TRIO: variants seen among roughly 807,000 people sequenced by gnomAD.
The protein encoded by TRIO is triple functional domain protein.
In TRIO, 58 loss-of-function variants were observed where a neutral mutation model predicts 351.9. The ratio of observed to expected loss-of-function variants is 0.16; its 90% confidence interval spans 0.13 to 0.21. The LOEUF (loss-of-function observed/expected upper bound fraction) is 0.21, where lower values mean the gene tolerates loss of function less well. Among genes scored for constraint, TRIO ranks in the 10% least tolerant of loss-of-function variants. The pLI is 1.00. For synonymous variants in TRIO, 1,758 were observed against 1,595.7 expected, an observed-to-expected ratio of 1.10 and a Z score of -2.42; for missense variants, 3,201 against 4,027.8, an observed-to-expected ratio of 0.79 and a Z score of 5.56.
chr5:14,375,239 C>T (rs1480780469), intron 19 of TRIO, among the ~76,000 whole-genome samples: 1 of 152,202 alleles, frequency 6.6e-6, no homozygotes, highest in Non-Finnish European at 1.5e-5. Flanking sequence ...CGTTTTTCTG[C>T]ATGAATAAGT....
At chr5:14,324,837 C>A (rs535659184) in intron 9 of TRIO, among the ~76,000 whole-genome samples, 1 of 152,166 alleles carries the variant, frequency 6.6e-6, no homozygotes, top group Non-Finnish European at 1.5e-5. Context: ...GACAGCCCCC[C>A]CATAATCAAA....
intron 48 of TRIO, chr5:14,489,151 GTC>G: frequency 4.6e-6 from 3 of 645,680 alleles, no homozygotes; most frequent in Non-Finnish European, 8.3e-6. Context: ...AAGGGTCTGT[GTC>G]TCTCTTTATA....
At chr5:14,455,184 C>T (rs1044758141) in intron 34 of TRIO, among the ~76,000 whole-genome samples, 3 of 152,208 alleles carry the variant, frequency 2.0e-5, no homozygotes, top group African/African-American at 7.2e-5. Flanking sequence ...TGGGTTGCCG[C>T]TGCTGGCTTG....
chr5:14,377,976 A>G, intron 19 of TRIO, 36 bp from the exon 20 acceptor site: 1 of 1,522,992 alleles, frequency 6.6e-7, no homozygotes, highest in Non-Finnish European at 9.0e-7. Context: ...AATTGATTGC[A>G]AGCACCAACA....
Position 14,196,106 on chromosome 5 carries a change from G to T in TRIO, c.157+52224G>T, listed in dbSNP as rs534610441. Among the ~76,000 whole-genome samples the T allele has an allele frequency of 7.6e-4, 115 of 152,178 alleles. 1 individual carries two copies. The Middle Eastern group carries it at 0.014, about 18-fold the overall frequency. ...GTATTATTTATATCAAGGAAGAAAG[G>T]CTTTTTAAAAACATTGCAAAGATTT... On this transcript the variant is annotated intron_variant, in intron 1 of 56. Coordinates refer to ENST00000344204, the MANE Select transcript of TRIO (RefSeq NM_007118.4).
chr5:14,502,429 T>C (rs1261437051), intron 53 of TRIO, 150 bp from the exon 54 acceptor site: 2 of 644,782 alleles, frequency 3.1e-6, no homozygotes, highest in Non-Finnish European at 5.5e-6. Flanking sequence ...GTGTCCTTTA[T>C]GCAGCCACCA....
At chr5:14,409,658 C>T (rs1749023277) in intron 33 of TRIO, among the ~76,000 whole-genome samples, 3 of 152,070 alleles carry the variant, frequency 2.0e-5, no homozygotes, top group South Asian at 2.1e-4. Context: ...CATGGTGAAA[C>T]CCCGTCTCTA....
In TRIO at chr5:14,488,277, G is replaced by A. The variant is rs760638703; in HGVS notation, c.7632+17G>A. ...AGCAACGGGGTAAGCGCGTCGGGGG[G>A]CCCGCGCCCTCCCGCCCCCCTGCCT... is the stretch of plus-strand genomic sequence containing the variant. On this transcript the variant is annotated intron_variant, in intron 48 of 56. Transcript: ENST00000344204. The A allele has an allele frequency of 7.3e-5, 113 of 1,538,254 alleles. No homozygotes were observed. Among genetic ancestry groups the A allele is most frequent in the Non-Finnish European group, 9.2e-5 (105 of 1,146,510 alleles).
chr5:14,448,313 C>T (rs771421471), intron 34 of TRIO, among the ~76,000 whole-genome samples: 3 of 152,200 alleles, frequency 2.0e-5, no homozygotes, highest in Non-Finnish European at 2.9e-5. Context: ...CCCAGAGTGC[C>T]GCAGCAGGCT....
chr5:14,503,432 C>A (rs1757431951), intron 54 of TRIO, among the ~76,000 whole-genome samples: 1 of 152,268 alleles, frequency 6.6e-6, no homozygotes, highest in Non-Finnish European at 1.5e-5. Flanking sequence ...CATGTGCCTT[C>A]TTCCAGTGCA....
chr5:14,498,349 C>A, intron 52 of TRIO, 98 bp downstream of exon 52: 1 of 1,532,486 alleles, frequency 6.5e-7, no homozygotes, highest in South Asian at 1.2e-5. Flanking sequence ...ATTTCTTTGG[C>A]TGCCTTCGGC....
chr5:14,303,243 A>T (rs1354458176), intron 7 of TRIO, among the ~76,000 whole-genome samples: 1 of 133,596 alleles, frequency 7.5e-6, no homozygotes, highest in Non-Finnish European at 1.6e-5. Context: ...CGGGATTGGG[A>T]TGGCTGCCGC....
At chr5:14,432,889 C>A (rs921513440) in intron 34 of TRIO, among the ~76,000 whole-genome samples, 1 of 152,192 alleles carries the variant, frequency 6.6e-6, no homozygotes, top group Non-Finnish European at 1.5e-5. Context: ...CTCCCCGCCA[C>A]CATCAACCCT....
chr5:14,398,596 A>C (rs187189642), intron 29 of TRIO, among the ~76,000 whole-genome samples: 1 of 152,302 alleles, frequency 6.6e-6, no homozygotes, highest in East Asian at 1.9e-4. Flanking sequence ...CCAGATCTCA[A>C]CTGTTGCAGA....
intron 34 of TRIO, among the ~76,000 whole-genome samples, chr5:14,445,829 G>A (rs1016883409): frequency 3.3e-5 from 5 of 152,196 alleles, no homozygotes; most frequent in African/African-American, 1.2e-4. Flanking sequence ...TAATAAAAAG[G>A]GGATGTGCTT....
intron 1 of TRIO, among the ~76,000 whole-genome samples, chr5:14,179,447 A>G (rs1298822798): frequency 6.6e-6 from 1 of 150,852 alleles, no homozygotes; most frequent in African/African-American, 2.5e-5. Context: ...AAATCAACAA[A>G]GCTTTTTTTT....
chr5:14,290,281 C>T (rs1160467874), intron 4 of TRIO, among the ~76,000 whole-genome samples: 1 of 152,178 alleles, frequency 6.6e-6, no homozygotes, highest in African/African-American at 2.4e-5. Context: ...AGTAGAAAAC[C>T]TCCACAGAGT....
chr5:14,230,335 GATGTTTGTGTGTGT>G (rs1461979260), intron 1 of TRIO, among the ~76,000 whole-genome samples: 1 of 124,990 alleles, frequency 8.0e-6, no homozygotes, highest in Non-Finnish European at 1.6e-5. Context: ...AGTCAGGCAA[GATGTTTGTGTGTGT>G]GTGTGTGTGT....
In TRIO at chr5:14,290,828, T is replaced by C. The variant is rs760632116; in HGVS notation, c.653T>C (p.Val218Ala). The C allele has an allele frequency of 6.2e-7, 1 of 1,613,932 alleles. No individual in the cohort carries two copies. Among genetic ancestry groups the C allele is most frequent in the Admixed American group, 1.7e-5 (1 of 59,988 alleles). The change falls in exon 5 of 57, where the codon GTT (valine) becomes GCT (alanine). Residue 218 changes from valine to alanine, a missense_variant. Val to Ala is a moderately conservative substitution (Grantham distance 64). This residue lies in a region of TRIO where 349 missense variants were observed against 449.3 expected (regional missense o/e 0.78). Transcript: ENST00000344204. ...CACGAAGAATGGATTGAAATCAGAG[T>C]TGCTTTTGAAGACTACATTAGCAAT... Reference protein sequence around the residue: ...YNHEEWIEIRVAFEDYISNAT... With the variant: ...YNHEEWIEIRAAFEDYISNAT...
Sources: gnomAD v4.1 joint callset for allele counts (sites outside exome capture counted in the v4.1 genomes callset) on GRCh38, gnomAD v4.1.1 for gene constraint, gnomAD v4.1.1 regional missense constraint, MANE v1.5 for transcripts, NCBI Gene and HGNC (gene_info 2026-07-23, HGNC 2026-07-21) for gene names.